ERC1: variants seen among roughly 807,000 people sequenced by gnomAD.
ERC1 encodes the protein RAB6 interacting protein 2.
In ERC1, 56 loss-of-function variants were observed where a neutral mutation model predicts 132.0. The ratio of observed to expected loss-of-function variants is 0.42; its 90% CI spans 0.34 to 0.53. The LOEUF is 0.53. Ranked by LOEUF, ERC1 falls within the 20% of genes least tolerant of loss-of-function variation. The pLI is 0.03. For synonymous variants in ERC1, 478 were observed against 476.1 expected, an observed-to-expected ratio of 1.00 and a Z score of -0.05; for missense variants, 1,202 against 1,349.9, an observed-to-expected ratio of 0.89 and a Z score of 1.72.
At chr12:1,233,039 A>G (rs2154300835) in intron 12 of ERC1, among the ~76,000 whole-genome samples, 1 of 152,298 alleles carries the variant, frequency 6.6e-6, no homozygotes, top group East Asian at 1.9e-4. Context: ...AAAAGTTACT[A>G]AAATAATTTA....
Position 1,490,079 on chromosome 12 carries a change from C to G in ERC1, c.3214-14C>G. 1 of 1,612,868 alleles carries G rather than the reference C, an allele frequency of 6.2e-7. No individual in the cohort carries two copies. Among genetic ancestry groups the G allele is most frequent in the Non-Finnish European group, 8.5e-7 (1 of 1,178,960 alleles). On this transcript the variant is annotated splice_polypyrimidine_tract_variant and intron_variant, in intron 18 of 18. Coordinates refer to ENST00000360905, the MANE Select transcript of ERC1 (RefSeq NM_178040.4). The stretch of plus-strand genomic sequence containing the variant: ...ATTGTTGTATCTGAAATCCATCTCT[C>G]CTTTCCCTTTCAGCTTCAGGATGAG...
Position 1,187,832 on chromosome 12 carries a change from T to C in ERC1, c.2158-2027T>C, listed in dbSNP as rs550306359. 2.0e-5 allele frequency among the ~76,000 whole-genome samples: 3 copies of C among 152,312 alleles called. No homozygotes were observed. In the East Asian group the frequency reaches 5.8e-4, roughly 29 times the overall value. On this transcript the variant is annotated intron_variant, in intron 11 of 18. Coordinates refer to ENST00000360905, the MANE Select transcript of ERC1 (RefSeq NM_178040.4). The stretch of plus-strand genomic sequence containing the variant: ...CAGACCTGTCCCTTGACTTATATAA[T>C]TTATAGCCTCTATTAAGAAGATAGA...
chr12:1,092,698 C>T (rs563920415), intron 3 of ERC1, among the ~76,000 whole-genome samples: 3 of 152,340 alleles, frequency 2.0e-5, no homozygotes, highest in South Asian at 2.1e-4. Flanking sequence ...CAATGGCTCA[C>T]GTCTGTAATC....
intron 7 of ERC1, among the ~76,000 whole-genome samples, chr12:1,123,954 C>A (rs111226053): frequency 3.3e-5 from 5 of 152,184 alleles, no homozygotes; most frequent in Non-Finnish European, 5.9e-5. Context: ...TAAGATCATA[C>A]CCCTGGGTGA....
chr12:1,381,636 G>T (rs931838818), intron 16 of ERC1, among the ~76,000 whole-genome samples: 1 of 152,086 alleles, frequency 6.6e-6, no homozygotes, highest in African/African-American at 2.4e-5. Flanking sequence ...CAAACACTAA[G>T]ATCAACTAGA....
intron 13 of ERC1, 69 bp from the exon 14 acceptor site, chr12:1,262,961 CCTTT>C (rs2077236549): frequency 1.0e-5 from 15 of 1,476,724 alleles, no homozygotes. Flanking sequence ...AGCAAACAGC[CCTTT>C]CTTAATAAAT....
intron 2 of ERC1, among the ~76,000 whole-genome samples, chr12:1,066,517 G>A (rs996225511): frequency 2.6e-5 from 4 of 152,146 alleles, no homozygotes; most frequent in Non-Finnish European, 4.4e-5. Flanking sequence ...ACACAGATTT[G>A]TTGAATGAGT....
chr12:1,184,603 T>G (rs1954862055), intron 11 of ERC1, among the ~76,000 whole-genome samples: 1 of 152,250 alleles, frequency 6.6e-6, no homozygotes, highest in African/African-American at 2.4e-5. Flanking sequence ...TAATGATAAT[T>G]GGAGTCATTT....
chr12:1,273,238 TTGAAACATTTGTTTA>T (rs2078005099), intron 14 of ERC1, among the ~76,000 whole-genome samples: 1 of 152,196 alleles, frequency 6.6e-6, no homozygotes, highest in Non-Finnish European at 1.5e-5. Context: ...AAATTGGAAT[TTGAAACATTTGTTTA>T]AATTTATGAC....
chr12:1,378,884 G>A (rs1346892994), intron 16 of ERC1, among the ~76,000 whole-genome samples: 8 of 151,962 alleles, frequency 5.3e-5, no homozygotes, highest in Admixed American at 3.3e-4. Flanking sequence ...GCATAGTTAG[G>A]GTATTTTATA....
intron 16 of ERC1, among the ~76,000 whole-genome samples, chr12:1,374,820 T>G (rs2087685429): frequency 2.2e-5 from 3 of 136,170 alleles, no homozygotes; most frequent in African/African-American, 9.4e-5. Flanking sequence ...CAGGACAGGC[T>G]GGGATTTTTT....
At chr12:1,049,904 C>T (rs890384373) in intron 2 of ERC1, among the ~76,000 whole-genome samples, 33 of 152,012 alleles carry the variant, frequency 2.2e-4, no homozygotes, top group East Asian at 5.8e-4. Context: ...CCACCATGCC[C>T]GGCTAATTTT....
intron 15 of ERC1, among the ~76,000 whole-genome samples, chr12:1,357,380 C>T (rs2085643654): frequency 6.6e-6 from 1 of 152,180 alleles, no homozygotes; most frequent in African/African-American, 2.4e-5. Flanking sequence ...TGCTATCCAT[C>T]TAAAACTGGG....
At chr12:1,347,609 A>G (rs2084601102) in intron 15 of ERC1, among the ~76,000 whole-genome samples, 1 of 152,202 alleles carries the variant, frequency 6.6e-6, no homozygotes, top group Non-Finnish European at 1.5e-5. Context: ...TACAGTATAA[A>G]TTTTGTGATT....
At chr12:1,328,730 C>T (rs947332714) in intron 15 of ERC1, among the ~76,000 whole-genome samples, 4 of 151,742 alleles carry the variant, frequency 2.6e-5, no homozygotes, top group Admixed American at 1.3e-4. Context: ...GAAGTCATTT[C>T]TTTCTCTGCG....
intron 8 of ERC1, among the ~76,000 whole-genome samples, chr12:1,175,185 G>T (rs1171554070): frequency 6.6e-6 from 1 of 152,114 alleles, no homozygotes; most frequent in East Asian, 1.9e-4. Flanking sequence ...GACTGATCAG[G>T]GTGGTAGTTG....
rs888568962 is a variant in ERC1 at position 1,491,818 on chromosome 12, C to T, written c.*1588C>T. ...GGTATTGGCATTGTTAAGGACGTAG[C>T]GTAGACAACAGCAGTCATAAATAAT... is the stretch of plus-strand genomic sequence containing the variant. On this transcript the variant is annotated 3_prime_UTR_variant, in exon 19 of 19. Coordinates refer to ENST00000360905, the MANE Select transcript of ERC1 (RefSeq NM_178040.4). 5 of 232,106 alleles carry T rather than the reference C, an allele frequency of 2.2e-5. No individual in the cohort carries two copies. Among genetic ancestry groups the T allele is most frequent in the East Asian group, 6.1e-5 (1 of 16,436 alleles). The allele number at this position is 232,106 out of a possible 1,614,324, so 14.4% of individuals were successfully genotyped here. A position where few individuals can be genotyped will look rare whatever the true frequency, so the allele number is the denominator to read the frequency against.
At chr12:1,292,965 T>C (rs777225717) in intron 15 of ERC1, among the ~76,000 whole-genome samples, 6 of 151,656 alleles carry the variant, frequency 4.0e-5, no homozygotes, top group Non-Finnish European at 8.8e-5. Flanking sequence ...GCCAACATGG[T>C]GAACCCTCGT....
chr12:1,461,032 A>G (rs1291239964), intron 18 of ERC1, among the ~76,000 whole-genome samples: 1 of 144,856 alleles, frequency 6.9e-6, no homozygotes, highest in African/African-American at 2.6e-5. Flanking sequence ...TTAAATTACA[A>G]AAGAAATATT....
Sources: allele counts gnomAD v4.1 joint callset (sites outside exome capture counted in the v4.1 genomes callset), GRCh38; gene constraint gnomAD v4.1.1; transcripts MANE v1.5; gene names NCBI Gene and HGNC (gene_info 2026-07-23, HGNC 2026-07-21).